The following LYRM1 variants were observed in gnomAD, a reference collection of about 807,000 sequenced individuals.
LYRM1 encodes LYR motif containing 1.
Under a neutral mutation model 14.9 loss-of-function variants are expected in LYRM1, and 14 were observed. The ratio of observed to expected loss-of-function variants is 0.94; its 90% CI spans 0.62 to 1.47. The LOEUF is 1.47. Among genes scored for constraint, LYRM1 ranks in the 40% most tolerant of loss-of-function variants. LYRM1 has a pLI of 0.00. For missense variants in LYRM1, 153 were observed against 149.9 expected, an observed-to-expected ratio of 1.02 and a Z score of -0.11; for synonymous variants, 43 against 56.2, an observed-to-expected ratio of 0.77 and a Z score of 1.05.
At chr16:20,903,387 C>T (rs2082162084) in intron 1 of LYRM1, among the ~76,000 whole-genome samples, 1 of 152,162 alleles carries the variant, frequency 6.6e-6, no homozygotes, top group African/African-American at 2.4e-5. Context: ...CTGGCTGACC[C>T]CTGTGGGCAT....
At chr16:20,910,085 G>C (rs2082513818) in intron 1 of LYRM1, among the ~76,000 whole-genome samples, 1 of 152,212 alleles carries the variant, frequency 6.6e-6, no homozygotes, top group Non-Finnish European at 1.5e-5. Context: ...GGGAACGGCA[G>C]GATGGATAGG....
intron 1 of LYRM1, among the ~76,000 whole-genome samples, chr16:20,913,022 C>T (rs986031466): frequency 2.2e-4 from 33 of 151,512 alleles, no homozygotes; most frequent in Non-Finnish European, 4.4e-4. Context: ...GCCGAGATTG[C>T]GCCATTGCAC....
intron 1 of LYRM1, among the ~76,000 whole-genome samples, chr16:20,904,045 C>G (rs752477062): frequency 6.6e-6 from 1 of 152,066 alleles, no homozygotes; most frequent in Non-Finnish European, 1.5e-5. Flanking sequence ...ACATCTCTTC[C>G]ACTGCCTTCT....
intron 1 of LYRM1, among the ~76,000 whole-genome samples, chr16:20,910,667 T>TGGAGGCTGAGGCA (rs2082545720): frequency 6.6e-6 from 1 of 152,054 alleles, no homozygotes. Context: ...CCAGCTACTC[T>TGGAGGCTGAGGCA]GGAGGCTGAG....
intron 1 of LYRM1, among the ~76,000 whole-genome samples, chr16:20,911,641 C>G (rs189120130): frequency 1.0e-3 from 153 of 152,160 alleles, no homozygotes; most frequent in Non-Finnish European, 1.5e-3. Context: ...ATTCATTGTT[C>G]TAATTCTGAC....
intron 1 of LYRM1, among the ~76,000 whole-genome samples, chr16:20,907,430 A>T: frequency 6.6e-6 from 1 of 152,148 alleles, no homozygotes. Flanking sequence ...GCGTGATCAT[A>T]GCTCACTGCA....
At chr16:20,918,851 T>A (rs985417625) in intron 2 of LYRM1, among the ~76,000 whole-genome samples, 24 of 152,192 alleles carry the variant, frequency 1.6e-4, no homozygotes, top group Admixed American at 1.3e-4. Context: ...GGTCAGAAAG[T>A]TGGGCCTCTG....
chr16:20,900,642 A>AGG (rs1376896507), upstream of LYRM1: 1 of 152,230 alleles, frequency 6.6e-6, no homozygotes, highest in Non-Finnish European at 1.5e-5. Context: ...AAGGAAAAAT[A>AGG]GGGGGAGGAG....
intron 1 of LYRM1, among the ~76,000 whole-genome samples, chr16:20,904,801 G>A (rs1335950076): frequency 1.3e-5 from 2 of 151,650 alleles, no homozygotes; most frequent in Non-Finnish European, 2.9e-5. Flanking sequence ...ATTGGGGTAA[G>A]AATATGGGTG....
At chr16:20,920,025 G>T in intron 2 of LYRM1, 97 bp from the exon 3 acceptor site, 1 of 628,898 alleles carries the variant, frequency 1.6e-6, no homozygotes, top group Non-Finnish European at 2.6e-6. Flanking sequence ...TTCATTTACT[G>T]GCTAGTGAAC....
In LYRM1 at chr16:20,900,834, C is replaced by G. The variant is rs1161493162; in HGVS notation, c.-56C>G. 1 of 153,378 alleles carries G rather than the reference C, an allele frequency of 6.5e-6. No individual in the cohort carries two copies. The highest frequency in any genetic ancestry group is 1.4e-5 in the Non-Finnish European group (1 of 69,096). 9.5% of individuals were successfully genotyped at this position (153,378 alleles called of 1,614,324 possible). ...CTGGGCTCCTGGCGCCGCCTCCTCC[C>G]AGCCCGCCGCGGGCTGCGCGCTTCT... On this transcript the variant is annotated 5_prime_UTR_variant, in exon 1 of 4. Coordinates refer to ENST00000567954, the MANE Select transcript of LYRM1 (RefSeq NM_001128302.3).
rs149175521 is a variant in LYRM1, at chr16:20,915,595, C to T, written c.40C>T (p.Arg14Cys). Residue 14 changes from arginine (R) to cysteine (C), a missense_variant, in exon 2 of 4, where the codon CGC becomes TGC. By Grantham distance (180) the Arg-to-Cys change is radical. Transcript: ENST00000567954. ...ACGACAAGAAGTCCTTGGCCTCTAC[C>T]GCAGCATTTTCAGGCTTGCGAGGAA... ...ATRQEVLGLY[R>C]SIFRLARKWQ... 4.4e-4 allele frequency: 703 copies of T among 1,614,062 alleles called. No individual in the cohort carries two copies. Among genetic ancestry groups the T allele is most frequent in the Non-Finnish European group, 5.5e-4 (647 of 1,180,004 alleles).
Position 20,915,688 on chromosome 16 carries a change from A to G in LYRM1, c.133A>G (p.Arg45Gly), listed in dbSNP as rs769194856. The change falls in exon 2 of 4, where the codon AGA becomes GGA. Residue 45 changes from arginine (R) to glycine (G), a missense_variant. Coordinates refer to ENST00000567954, the MANE Select transcript of LYRM1 (RefSeq NM_001128302.3). The part of the protein sequence containing the change: ...KEKQYILNEA[R>G]TLFRKNKNLT... Reference sequence around the variant, plus strand: ...AAAACAGTACATACTAAATGAAGCCAGAACGCTGTTCCGGAAAAACAAAAA... The same window carrying G: ...AAAACAGTACATACTAAATGAAGCCGGAACGCTGTTCCGGAAAAACAAAAA... The G allele has an allele frequency of 6.2e-7, 1 of 1,614,164 alleles. No homozygotes were observed. The highest frequency in any genetic ancestry group is 2.2e-5 in the East Asian group (1 of 44,888).
chr16:20,911,752 G>A (rs1250677652), intron 1 of LYRM1, among the ~76,000 whole-genome samples: 1 of 152,080 alleles, frequency 6.6e-6, no homozygotes, highest in Non-Finnish European at 1.5e-5. Flanking sequence ...GAGAGGGGGG[G>A]CTGAAATACT....
In LYRM1 at chr16:20,901,746, T is replaced by C. The variant is rs2082068426; in HGVS notation, c.-1+857T>C. On this transcript the variant is annotated intron_variant, in intron 1 of 3. Coordinates refer to ENST00000567954, the MANE Select transcript of LYRM1 (RefSeq NM_001128302.3). This position sits in a 1 kb window ranked among gnomAD's most constrained non-coding sequence, Gnocchi z 4.6. ...CTGATTTACATTTTTAAAAATCCGCTCTGCCTGCTGGATAGAGAAGGGTGG... is the reference window on the plus strand; with the variant it reads ...CTGATTTACATTTTTAAAAATCCGCCCTGCCTGCTGGATAGAGAAGGGTGG... Among the ~76,000 whole-genome samples the C allele has an allele frequency of 6.6e-6, 1 of 152,214 alleles. No individual in the cohort carries two copies. Among genetic ancestry groups the C allele is most frequent in the Non-Finnish European group, 1.5e-5 (1 of 68,050 alleles).
Position 20,924,092 on chromosome 16 carries a change from C to G in LYRM1, c.345C>G (p.Leu115=), listed in dbSNP as rs752945295. 3.1e-6 allele frequency: 5 copies of G among 1,604,036 alleles called. No individual in the cohort carries two copies. Among genetic ancestry groups the G allele is most frequent in the Non-Finnish European group, 4.3e-6 (5 of 1,173,040 alleles). ...GGAAACTTTCCAAACCAGTATATCTCAGATCTCATGATGAAGTTTCCTAAT... is the reference window on the plus strand; with the variant it reads ...GGAAACTTTCCAAACCAGTATATCTGAGATCTCATGATGAAGTTTCCTAAT... ...KLRKLSKPVY[L]RSHDEVS is the part of the protein sequence containing the mutation. The change falls in exon 4 of 4, where the codon CTC becomes CTG. Residue 115 remains leucine, a synonymous_variant. Transcript: ENST00000567954.
At chr16:20,915,210 C>G (rs1184072414) in intron 1 of LYRM1, among the ~76,000 whole-genome samples, 1 of 152,282 alleles carries the variant, frequency 6.6e-6, no homozygotes, top group Non-Finnish European at 1.5e-5. Flanking sequence ...CGGTGGCTCA[C>G]GCTTGTAATC....
In LYRM1 at chr16:20,911,470, A is replaced by C. The variant is rs1489501852; in HGVS notation, c.1-4086A>C. On this transcript the variant is annotated intron_variant, in intron 1 of 3. Coordinates refer to ENST00000567954, the MANE Select transcript of LYRM1 (RefSeq NM_001128302.3). ...TAAGTTGAAAATGGATCATGTTCCCAAAAGCAAGCAGTGAGCAGCTTACTT... is the reference window on the plus strand; with the variant it reads ...TAAGTTGAAAATGGATCATGTTCCCCAAAGCAAGCAGTGAGCAGCTTACTT... Among the ~76,000 whole-genome samples, 3 of 152,186 alleles carry C rather than the reference A, an allele frequency of 2.0e-5. 1 individual carries two copies. Among genetic ancestry groups the C allele is most frequent in the Admixed American group, 2.0e-4 (3 of 15,276 alleles).
At chr16:20,915,812 C>T in intron 2 of LYRM1, 98 bp downstream of exon 2, 1 of 1,333,484 alleles carries the variant, frequency 7.5e-7, no homozygotes, top group Non-Finnish European at 1.0e-6. Context: ...CTGAGCCGCA[C>T]AGTCATGGTG....
Sources: gnomAD v4.1 joint callset for allele counts (sites outside exome capture counted in the v4.1 genomes callset) on GRCh38, gnomAD v4.1.1 for gene constraint, Gnocchi (gnomAD v3.1) non-coding constraint, MANE v1.5 for transcripts, NCBI Gene and HGNC (gene_info 2026-07-23, HGNC 2026-07-21) for gene names.